Variants in BICD1 observed in about 807,000 individuals in gnomAD.
The protein encoded by BICD1 is protein bicaudal D homolog 1.
BICD1 carries 35 observed loss-of-function variants against 92.5 expected under a neutral mutation model. That is an observed-to-expected ratio of 0.38 (90% CI 0.29 to 0.50). The LOEUF is 0.50. Among genes scored for constraint, BICD1 ranks in the 20% least tolerant of loss-of-function variants. The pLI, the probability that BICD1 is intolerant of heterozygous loss-of-function variation, is 0.93. For missense variants in BICD1, 950 were observed against 1,189.8 expected (o/e 0.80, Z 2.97); for synonymous variants, 429 against 465.1 (o/e 0.92, Z 1.00).
intron 2 of BICD1, among the ~76,000 whole-genome samples, chr12:32,263,811 T>C (rs1270125166): frequency 2.0e-5 from 3 of 152,224 alleles, no homozygotes; most frequent in African/African-American, 7.2e-5. Flanking sequence ...ATGCGGACTA[T>C]AGTTTTCTTG....
chr12:32,348,085 G>A (rs951344873), intron 8 of BICD1, among the ~76,000 whole-genome samples: 5 of 152,134 alleles, frequency 3.3e-5, no homozygotes, highest in African/African-American at 1.2e-4. Context: ...GATGACCATG[G>A]TCCTATTCGT....
At chr12:32,161,167 A>C (rs1943589703) in intron 1 of BICD1, among the ~76,000 whole-genome samples, 1 of 152,222 alleles carries the variant, frequency 6.6e-6, no homozygotes, top group Non-Finnish European at 1.5e-5. Context: ...ACATGGTAAA[A>C]GATCTTAGCC....
At chr12:32,221,812 A>G (rs1314972236) in intron 2 of BICD1, among the ~76,000 whole-genome samples, 3 of 152,210 alleles carry the variant, frequency 2.0e-5, no homozygotes, top group Non-Finnish European at 2.9e-5. Flanking sequence ...CAGGGCCAAT[A>G]ATAGGCAGAG....
At chr12:32,300,689 G>C (rs1948018393) in intron 3 of BICD1, among the ~76,000 whole-genome samples, 1 of 135,472 alleles carries the variant, frequency 7.4e-6, no homozygotes, top group Admixed American at 8.5e-5. Context: ...TTTTGCCCAG[G>C]CTGGAGTGCA....
intron 1 of BICD1, among the ~76,000 whole-genome samples, chr12:32,146,833 C>CCCTT (rs1324561167): frequency 6.3e-5 from 8 of 127,534 alleles, no homozygotes; most frequent in Non-Finnish European, 9.8e-5. Flanking sequence ...CTCCCTCCCT[C>CCCTT]CCTTCCTTCC....
At chr12:32,237,090 T>C (rs113882984) in intron 2 of BICD1, among the ~76,000 whole-genome samples, 18,941 of 151,722 alleles carry the variant, frequency 0.12, 1,955 homozygotes, top group African/African-American at 0.28. Context: ...TTAGCCAGGA[T>C]GGTCTCGATC....
intron 4 of BICD1, among the ~76,000 whole-genome samples, chr12:32,318,538 GTTGCATT>G (rs1948566426): frequency 6.6e-6 from 1 of 152,106 alleles, no homozygotes; most frequent in African/African-American, 2.4e-5. Flanking sequence ...TATAAGAATG[GTTGCATT>G]TTGCACTTCT....
intron 2 of BICD1, among the ~76,000 whole-genome samples, chr12:32,281,961 T>A (rs140909155): frequency 2.6e-5 from 4 of 152,156 alleles, no homozygotes; most frequent in Non-Finnish European, 5.9e-5. Flanking sequence ...GGGGGAAAGA[T>A]AGCCAATAAA....
intron 5 of BICD1, among the ~76,000 whole-genome samples, chr12:32,330,220 A>T (rs568011402): frequency 6.6e-6 from 1 of 152,314 alleles, no homozygotes; most frequent in Admixed American, 6.5e-5. Context: ...CATGTTTTAT[A>T]TAAACCTAAG....
chr12:32,122,816 G>A (rs3871520), intron 1 of BICD1, among the ~76,000 whole-genome samples: 56,216 of 152,026 alleles, frequency 0.37, 11,733 homozygotes, highest in Middle Eastern at 0.57. Flanking sequence ...TCAATGCCAA[G>A]CGAAAAAATC....
At chr12:32,162,550 A>G (rs907540713) in intron 1 of BICD1, among the ~76,000 whole-genome samples, 2 of 152,228 alleles carry the variant, frequency 1.3e-5, no homozygotes, top group African/African-American at 4.8e-5. Context: ...TGAGGAATAA[A>G]TAAGAAAAAC....
chr12:32,120,966 G>T (rs1294295151), intron 1 of BICD1, among the ~76,000 whole-genome samples: 1 of 129,824 alleles, frequency 7.7e-6, no homozygotes, highest in Non-Finnish European at 1.6e-5. Flanking sequence ...TGGCTCCATA[G>T]AATTTTTTTT....
At chr12:32,281,943 G>A (rs529224365) in intron 2 of BICD1, among the ~76,000 whole-genome samples, 1 of 152,264 alleles carries the variant, frequency 6.6e-6, no homozygotes, top group East Asian at 1.9e-4. Context: ...ATGGCTCTTA[G>A]ATCTAGTGGG....
At position 32,107,339 on chromosome 12, in the gene BICD1, C is replaced by G. The variant is rs1375791160; in HGVS notation, c.8C>G (p.Ala3Gly). Residue 3 changes from alanine (A) to glycine (G), a missense_variant, in exon 1 of 10, where the codon GCA becomes GGA. By Grantham distance (60) the Ala-to-Gly change is moderately conservative. Coordinates refer to ENST00000652176, the MANE Select transcript of BICD1 (RefSeq NM_001714.4). MA[A>G]EEVLQTVDHY... ...CCTCCATCCACCGGGGCTATGGCCGCAGAAGAGGTATTGCAGACGGTGGAC... is the reference window on the plus strand; with the variant it reads ...CCTCCATCCACCGGGGCTATGGCCGGAGAAGAGGTATTGCAGACGGTGGAC... The G allele has an allele frequency of 6.2e-7, 1 of 1,602,690 alleles. No homozygotes were observed. Among genetic ancestry groups the G allele is most frequent in the Non-Finnish European group, 8.5e-7 (1 of 1,175,140 alleles).
At chr12:32,131,047 C>T (rs1360532301) in intron 1 of BICD1, among the ~76,000 whole-genome samples, 2 of 151,930 alleles carry the variant, frequency 1.3e-5, no homozygotes, top group Non-Finnish European at 2.9e-5. Flanking sequence ...GTTGGCCAGG[C>T]TGGTCTCGAA....
At chr12:32,266,826 C>G (rs1353486252) in intron 2 of BICD1, among the ~76,000 whole-genome samples, 2 of 148,608 alleles carry the variant, frequency 1.3e-5, no homozygotes, top group African/African-American at 5.0e-5. Flanking sequence ...TCACCGCACT[C>G]TAGCCTGGGC....
chr12:32,232,114 G>T (rs571037058), intron 2 of BICD1, among the ~76,000 whole-genome samples: 2,344 of 151,158 alleles, frequency 0.016, 54 homozygotes, highest in African/African-American at 0.051. Context: ...GTAATGGGAT[G>T]GCTGGGTCAA....
chr12:32,301,962 C>T (rs1032084273), intron 3 of BICD1, among the ~76,000 whole-genome samples: 1 of 152,172 alleles, frequency 6.6e-6, no homozygotes, highest in Non-Finnish European at 1.5e-5. Context: ...TCTCGGCTCA[C>T]TGCAACCTCT....
intron 1 of BICD1, among the ~76,000 whole-genome samples, chr12:32,142,432 C>A (rs112164039): frequency 0.16 from 7,630 of 48,440 alleles, 566 homozygotes; most frequent in African/African-American, 0.28. Flanking sequence ...AAAAAAAAAA[C>A]AAAAAACCCC....
Sources: allele counts gnomAD v4.1 joint callset (sites outside exome capture counted in the v4.1 genomes callset), GRCh38; gene constraint gnomAD v4.1.1; transcripts MANE v1.5; gene names NCBI Gene and HGNC (gene_info 2026-07-23, HGNC 2026-07-21).